SDK1: variants seen among roughly 807,000 people sequenced by gnomAD.
SDK1 encodes protein sidekick-1.
A neutral mutation model predicts 245.5 loss-of-function variants in SDK1; 157 were observed. The ratio of observed to expected loss-of-function variants is 0.64; its 90% CI spans 0.56 to 0.73. The LOEUF is 0.73. Ranked by LOEUF, SDK1 falls within the 30% of genes least tolerant of loss-of-function variation. The probability of loss-of-function intolerance (pLI) is 0.00; values close to 1 mark genes in which losing one functional copy is unlikely to be tolerated. For missense variants in SDK1, 3,583 were observed against 3,002.3 expected (o/e 1.19, Z -4.52); for synonymous variants, 1,647 against 1,278.5 (o/e 1.29, Z -6.15).
intron 8 of SDK1, among the ~76,000 whole-genome samples, chr7:3,961,246 A>G (rs1430040147): frequency 6.6e-6 from 1 of 152,220 alleles, no homozygotes; most frequent in East Asian, 1.9e-4. Context: ...TGCTATTATG[A>G]GATATTACAT....
intron 1 of SDK1, among the ~76,000 whole-genome samples, chr7:3,469,097 G>A (rs1781101569): frequency 6.6e-6 from 1 of 152,152 alleles, no homozygotes; most frequent in Non-Finnish European, 1.5e-5. Context: ...AGAGTCTGTT[G>A]TGATTTGAAA....
intron 4 of SDK1, among the ~76,000 whole-genome samples, chr7:3,719,798 G>A (rs1314570473): frequency 6.6e-6 from 1 of 152,018 alleles, no homozygotes; most frequent in Non-Finnish European, 1.5e-5. Context: ...CCAACATGGT[G>A]AAACCCCGTC....
intron 1 of SDK1, among the ~76,000 whole-genome samples, chr7:3,411,281 A>G (rs1036018870): frequency 6.6e-6 from 1 of 152,168 alleles, no homozygotes; most frequent in African/African-American, 2.4e-5. Flanking sequence ...CAAGTGCTGC[A>G]TGGAGGTCAT....
intron 2 of SDK1, among the ~76,000 whole-genome samples, chr7:3,620,110 G>T (rs1277942496): frequency 6.6e-6 from 1 of 152,082 alleles, no homozygotes; most frequent in African/African-American, 2.4e-5. Context: ...GCTGTATAGA[G>T]GCATTTTAAG....
At chr7:3,597,011 C>T (rs1239536185) in intron 1 of SDK1, among the ~76,000 whole-genome samples, 1 of 152,158 alleles carries the variant, frequency 6.6e-6, no homozygotes, top group African/African-American at 2.4e-5. Flanking sequence ...TGACTCACAC[C>T]TGTAACCCCA....
chr7:3,792,457 C>G (rs777168673), intron 4 of SDK1, among the ~76,000 whole-genome samples: 2 of 152,256 alleles, frequency 1.3e-5, no homozygotes, highest in African/African-American at 4.8e-5. Context: ...TTTATATTCA[C>G]TGTTCCCCTG....
intron 5 of SDK1, among the ~76,000 whole-genome samples, chr7:3,917,402 A>G (rs1779421511): frequency 6.6e-6 from 1 of 152,166 alleles, no homozygotes; most frequent in Non-Finnish European, 1.5e-5. Context: ...GGGAAGCCTC[A>G]TTGCATCCAG....
intron 1 of SDK1, among the ~76,000 whole-genome samples, chr7:3,555,440 A>T (rs1779558254): frequency 6.6e-6 from 1 of 152,212 alleles, no homozygotes. Context: ...AATGGATTAA[A>T]AACTTTAAGA....
intron 36 of SDK1, among the ~76,000 whole-genome samples, chr7:4,207,656 C>T (rs1029505649): frequency 1.3e-5 from 2 of 151,816 alleles, no homozygotes; most frequent in Admixed American, 6.6e-5. Context: ...CTCCATAGCT[C>T]GGAGCAGGGG....
At chr7:3,411,350 A>G (rs543753786) in intron 1 of SDK1, among the ~76,000 whole-genome samples, 87 of 152,310 alleles carry the variant, frequency 5.7e-4, no homozygotes, top group African/African-American at 1.9e-3. Flanking sequence ...ACCAGATTAA[A>G]TTTCCTTTTG....
intron 14 of SDK1, among the ~76,000 whole-genome samples, chr7:3,990,099 A>G (rs1481090638): frequency 6.6e-6 from 1 of 152,242 alleles, no homozygotes; most frequent in African/African-American, 2.4e-5. Flanking sequence ...GTCTGTGTGG[A>G]CGTGGAGGAA....
intron 1 of SDK1, among the ~76,000 whole-genome samples, chr7:3,312,806 G>C (rs1779581592): frequency 6.6e-6 from 1 of 152,158 alleles, no homozygotes; most frequent in Admixed American, 6.5e-5. Flanking sequence ...AATAGAGTAG[G>C]AGAGACACTA....
At chr7:3,879,143 CAT>C (rs1781145355) in intron 5 of SDK1, among the ~76,000 whole-genome samples, 1 of 151,596 alleles carries the variant, frequency 6.6e-6, no homozygotes, top group African/African-American at 2.4e-5. Flanking sequence ...CGGTAACTTG[CAT>C]AGTTTTAAAA....
chr7:4,015,437 T>C (rs1786319533), intron 16 of SDK1, among the ~76,000 whole-genome samples: 1 of 152,202 alleles, frequency 6.6e-6, no homozygotes, highest in Non-Finnish European at 1.5e-5. Context: ...TTCTACCTTT[T>C]CCCAAATGGC....
intron 1 of SDK1, among the ~76,000 whole-genome samples, chr7:3,351,022 T>C (rs1583724586): frequency 6.6e-6 from 1 of 152,124 alleles, no homozygotes; most frequent in Admixed American, 6.5e-5. Context: ...TAAATAGATA[T>C]CTATGTTGTG....
At chr7:4,197,352 G>A (rs1393868858) in intron 35 of SDK1, among the ~76,000 whole-genome samples, 1 of 152,130 alleles carries the variant, frequency 6.6e-6, no homozygotes, top group African/African-American at 2.4e-5. Flanking sequence ...GATGGGTATA[G>A]TGATGTATGC....
intron 1 of SDK1, among the ~76,000 whole-genome samples, chr7:3,359,416 T>C (rs903031822): frequency 2.6e-5 from 4 of 152,222 alleles, no homozygotes; most frequent in African/African-American, 4.8e-5. Context: ...TTGAGAAATA[T>C]GGCCAATATC....
intron 14 of SDK1, among the ~76,000 whole-genome samples, chr7:3,997,450 A>G (rs1465861055): frequency 1.3e-5 from 2 of 152,036 alleles, no homozygotes; most frequent in Non-Finnish European, 2.9e-5. Flanking sequence ...CATCCCGACA[A>G]GTGTTCAGCT....
chr7:3,935,596 A>C (rs577963701), intron 5 of SDK1, among the ~76,000 whole-genome samples: 2 of 152,354 alleles, frequency 1.3e-5, no homozygotes, highest in South Asian at 4.1e-4. Context: ...CAAAGAAGAG[A>C]TACAAATGAC....
Sources: allele counts gnomAD v4.1 joint callset (sites outside exome capture counted in the v4.1 genomes callset), GRCh38; gene constraint gnomAD v4.1.1; transcripts MANE v1.5; gene names NCBI Gene and HGNC (gene_info 2026-07-23, HGNC 2026-07-21).